The following SYT14 variants were observed in gnomAD, a reference collection of about 807,000 sequenced individuals.
The protein encoded by SYT14 is synaptotagmin-14.
SYT14 carries 32 observed loss-of-function variants against 74.2 expected under a neutral mutation model. That is an observed-to-expected ratio of 0.43 (90% CI 0.33 to 0.58). The LOEUF is 0.58. Ranked by LOEUF, SYT14 falls within the 20% of genes least tolerant of loss-of-function variation. The pLI is 0.05. For missense variants in SYT14, 791 were observed against 981.8 expected (o/e 0.81, Z 2.60); for synonymous variants, 298 against 337.7 (o/e 0.88, Z 1.29).
At chr1:210,100,412 A>G (rs2082042691) in exon 7 of SYT14, 16 of 1,613,374 alleles carry the variant, frequency 9.9e-6, no homozygotes, top group Non-Finnish European at 1.4e-5. Context: ...TTGAATCTTC[A>G]AGGGAAAATG....
At chr1:210,068,307 A>G (rs539682584) in intron 5 of SYT14, among the ~76,000 whole-genome samples, 3 of 151,764 alleles carry the variant, frequency 2.0e-5, no homozygotes, top group South Asian at 2.1e-4. Context: ...CTGTCTTTTG[A>G]TTACCTCTTG....
chr1:209,990,365 T>C (rs901920348), intron 2 of SYT14, among the ~76,000 whole-genome samples: 1 of 151,300 alleles, frequency 6.6e-6, no homozygotes, highest in African/African-American at 2.4e-5. Context: ...ACTTCTCAAC[T>C]TTATTTAGCC....
intron 5 of SYT14, among the ~76,000 whole-genome samples, chr1:210,072,694 A>T (rs2081416793): frequency 6.6e-6 from 1 of 152,032 alleles, no homozygotes. Flanking sequence ...TCAGAAAAGC[A>T]CTTCTTAAGA....
intron 5 of SYT14, among the ~76,000 whole-genome samples, chr1:210,032,219 A>G (rs1572186566): frequency 6.6e-6 from 1 of 152,126 alleles, no homozygotes; most frequent in Non-Finnish European, 1.5e-5. Flanking sequence ...TAGTACCGAC[A>G]TAACAGAATG....
chr1:210,037,375 C>T (rs1356741018), intron 5 of SYT14, among the ~76,000 whole-genome samples: 2 of 151,910 alleles, frequency 1.3e-5, no homozygotes, highest in Non-Finnish European at 2.9e-5. Flanking sequence ...TTTCAAAGAA[C>T]TACGTTTCAT....
At chr1:209,942,560 C>T (rs1057466971) in intron 1 of SYT14, among the ~76,000 whole-genome samples, 4 of 152,078 alleles carry the variant, frequency 2.6e-5, no homozygotes, top group Non-Finnish European at 4.4e-5. Flanking sequence ...ATGCCCTTAT[C>T]GCTCATTAAG....
chr1:209,954,614 A>C (rs1346025901), intron 2 of SYT14, among the ~76,000 whole-genome samples: 1 of 152,194 alleles, frequency 6.6e-6, no homozygotes, highest in Non-Finnish European at 1.5e-5. Flanking sequence ...AGAGTAGATC[A>C]TATGAAAGTT....
At chr1:210,025,585 G>C (rs1228583116) in intron 5 of SYT14, among the ~76,000 whole-genome samples, 1 of 152,024 alleles carries the variant, frequency 6.6e-6, no homozygotes, top group East Asian at 1.9e-4. Context: ...AGAAGCTTTG[G>C]AACAGCCAAA....
At chr1:210,030,703 A>G (rs531475953) in intron 5 of SYT14, among the ~76,000 whole-genome samples, 14 of 152,198 alleles carry the variant, frequency 9.2e-5, no homozygotes, top group African/African-American at 3.4e-4. Context: ...ATCATTGAGT[A>G]TGATGAGGTG....
At chr1:210,040,434 A>T (rs889510279) in intron 5 of SYT14, among the ~76,000 whole-genome samples, 17 of 151,974 alleles carry the variant, frequency 1.1e-4, no homozygotes, top group Non-Finnish European at 1.5e-5. Flanking sequence ...GGGTTGATGG[A>T]TGCAGCACAC....
chr1:209,982,663 T>C (rs1441051621), intron 2 of SYT14, among the ~76,000 whole-genome samples: 1 of 152,270 alleles, frequency 6.6e-6, no homozygotes, highest in Middle Eastern at 3.2e-3. Context: ...AGCATCAATG[T>C]ACACATTTTT....
rs144218366 is a variant in SYT14 at position 209,948,117 on chromosome 1, C to T, written c.-533-4592C>T. ...AAAGTTTATGTGACTTGTTTTATTG[C>T]GATATACACTTTATTGCAGTGGTTG... On this transcript the variant is annotated intron_variant, in intron 1 of 9. Transcript: ENST00000637265. 5.7e-3 allele frequency among the ~76,000 whole-genome samples: 865 copies of T among 152,198 alleles called. 4 individuals are homozygous for T. The highest frequency in any genetic ancestry group is 0.019 in the African/African-American group (793 of 41,518).
Position 209,952,878 on chromosome 1 carries a change from C to T in SYT14, c.-486+122C>T, listed in dbSNP as rs538981611. The T allele has an allele frequency of 2.1e-5, 24 of 1,129,710 alleles. No individual in the cohort carries two copies. In the Admixed American group the frequency reaches 3.2e-4, roughly 15 times the overall value. The allele number at this position is 1,129,710 out of a possible 1,614,324, so 70.0% of individuals were successfully genotyped here. A position where few individuals can be genotyped will look rare whatever the true frequency, so the allele number is the denominator to read the frequency against. ...AAGTGTAAATTTTAGTAAATATTAA[C>T]ATTTGTCTTACAGACTTAAGCATTA... On this transcript the variant is annotated intron_variant, in intron 2 of 9. Transcript: ENST00000637265.
At chr1:210,083,069 C>T (rs889704796) in intron 5 of SYT14, among the ~76,000 whole-genome samples, 20 of 151,432 alleles carry the variant, frequency 1.3e-4, no homozygotes, top group Non-Finnish European at 1.8e-4. Flanking sequence ...CAACCTCCAC[C>T]TCCCAGGTTC....
chr1:209,980,439 C>G (rs1212073737), intron 2 of SYT14, among the ~76,000 whole-genome samples: 2 of 152,120 alleles, frequency 1.3e-5, no homozygotes, highest in Admixed American at 1.3e-4. Flanking sequence ...TGCACAGAAG[C>G]TCTTTAGTTT....
chr1:209,970,950 G>A (rs186078096), intron 2 of SYT14, among the ~76,000 whole-genome samples: 21 of 151,978 alleles, frequency 1.4e-4, no homozygotes, highest in Admixed American at 2.6e-4. Flanking sequence ...AAAGTGCTGG[G>A]ATTACAGGTG....
intron 2 of SYT14, among the ~76,000 whole-genome samples, chr1:209,988,585 ACTTTC>A (rs2079610913): frequency 6.6e-6 from 1 of 152,118 alleles, no homozygotes; most frequent in Non-Finnish European, 1.5e-5. Flanking sequence ...ATTACCTGAG[ACTTTC>A]CTTTCAGTCT....
At chr1:209,995,449 A>G (rs2079771450) in intron 2 of SYT14, among the ~76,000 whole-genome samples, 1 of 152,230 alleles carries the variant, frequency 6.6e-6, no homozygotes, top group East Asian at 1.9e-4. Context: ...TCCTAAATAC[A>G]TAGACACCAA....
chr1:210,039,518 G>A (rs753118667), intron 5 of SYT14, among the ~76,000 whole-genome samples: 79 of 152,272 alleles, frequency 5.2e-4, no homozygotes, highest in Admixed American at 1.2e-3. Flanking sequence ...GGCAACAGAA[G>A]CCAAAATTGA....
Sources: allele counts gnomAD v4.1 joint callset (sites outside exome capture counted in the v4.1 genomes callset), GRCh38; gene constraint gnomAD v4.1.1; transcripts MANE v1.5; gene names NCBI Gene and HGNC (gene_info 2026-07-23, HGNC 2026-07-21).